The following SIPA1L3 variants were observed in gnomAD, a reference collection of about 807,000 sequenced individuals.
The protein encoded by SIPA1L3 is signal induced proliferation associated 1 like 3.
A neutral mutation model predicts 150.1 loss-of-function variants in SIPA1L3; 59 were observed. The observed-to-expected ratio is 0.39, with a 90% confidence interval of 0.32 to 0.49. SIPA1L3 has a LOEUF of 0.49. Among genes scored for constraint, SIPA1L3 ranks in the 20% least tolerant of loss-of-function variants. SIPA1L3 has a pLI of 0.86. For synonymous variants in SIPA1L3, 1,070 were observed against 1,077.6 expected (o/e 0.99, Z 0.14); for missense variants, 2,211 against 2,489.5 (o/e 0.89, Z 2.38).
rs755280082 is a variant in SIPA1L3 at position 38,119,727 on chromosome 19, A to G, written c.2713A>G (p.Lys905Glu). ...EFVVLLDLRTKEVVFNCYCGD... is the reference protein window; with the variant it reads ...EFVVLLDLRTEEVVFNCYCGD... The stretch of plus-strand genomic sequence containing the variant: ...TGTGGTGCTCCTGGACTTACGCACC[A>G]AGGAGGTGGTGTTCAACTGCTACTG... Residue 905 changes from lysine to glutamate, a missense_variant, in exon 9 of 22, where the codon AAG becomes GAG. This residue lies in a region of SIPA1L3 where 625 missense variants were observed against 804.2 expected (regional missense o/e 0.78). Coordinates refer to ENST00000222345, the MANE Select transcript of SIPA1L3 (RefSeq NM_015073.3). 1.2e-6 allele frequency: 2 copies of G among 1,614,148 alleles called. No homozygotes were observed. The highest frequency in any genetic ancestry group is 1.7e-6 in the Non-Finnish European group (2 of 1,180,018).
chr19:38,123,196 A>G (rs1295428949), intron 9 of SIPA1L3, among the ~76,000 whole-genome samples: 1 of 152,024 alleles, frequency 6.6e-6, no homozygotes, highest in African/African-American at 2.4e-5. Flanking sequence ...CAGATGAGGA[A>G]ACTGAGGCCC....
chr19:38,072,088 A>G (rs1163545742), intron 2 of SIPA1L3, among the ~76,000 whole-genome samples: 2 of 152,218 alleles, frequency 1.3e-5, no homozygotes, highest in Non-Finnish European at 2.9e-5. Context: ...ATTGCAAGGA[A>G]GGCTGGTGCT....
intron 6 of SIPA1L3, among the ~76,000 whole-genome samples, chr19:38,102,166 C>T (rs566100810): frequency 7.3e-5 from 11 of 151,704 alleles, no homozygotes; most frequent in South Asian, 6.3e-4. Flanking sequence ...CCTGCCTCAG[C>T]GTCCCAAGTA....
intron 7 of SIPA1L3, 40 bp from the exon 8 acceptor site, chr19:38,110,187 C>G: frequency 6.2e-7 from 1 of 1,605,230 alleles, no homozygotes; most frequent in South Asian, 1.1e-5. Context: ...TCAGGCCGAC[C>G]TGTGACAGGT....
intron 13 of SIPA1L3, among the ~76,000 whole-genome samples, chr19:38,161,742 G>GA (rs1972093355): frequency 6.6e-6 from 1 of 151,578 alleles, no homozygotes; most frequent in Admixed American, 6.6e-5. Flanking sequence ...AGACAGTCAA[G>GA]CTCATAGATA....
Position 38,046,691 on chromosome 19 carries a change from G to A in SIPA1L3, c.-311+17535G>A, listed in dbSNP as rs1969067245. ...GGATGCTGCTGGATTTTCCGGGTGT[G>A]GAGGGGCCCAGGTCCCCCGAGCAGC... On this transcript the variant is annotated intron_variant, in intron 2 of 21. Transcript: ENST00000222345. This position sits in a 1 kb window ranked among gnomAD's most constrained non-coding sequence, Gnocchi z 5.6. Among the ~76,000 whole-genome samples, 1 of 152,208 alleles carries A rather than the reference G, an allele frequency of 6.6e-6. No individual in the cohort carries two copies. Among genetic ancestry groups the A allele is most frequent in the Admixed American group, 6.5e-5 (1 of 15,274 alleles).
chr19:38,054,977 C>A (rs950395971), intron 2 of SIPA1L3, among the ~76,000 whole-genome samples: 3 of 152,144 alleles, frequency 2.0e-5, no homozygotes, highest in Non-Finnish European at 2.9e-5. Flanking sequence ...TAGAGAAGCA[C>A]GTTGGAACCA....
intron 8 of SIPA1L3, among the ~76,000 whole-genome samples, chr19:38,110,969 TGTG>T (rs1323714404): frequency 6.6e-6 from 1 of 151,158 alleles, no homozygotes; most frequent in Non-Finnish European, 1.5e-5. Context: ...AGGGCCTACC[TGTG>T]GAGGTAGGCC....
rs957573669 is a variant in SIPA1L3 at position 37,931,962 on chromosome 19, G to A, written c.-379+24604G>A. Among the ~76,000 whole-genome samples, 3 of 152,222 alleles carry A rather than the reference G, an allele frequency of 2.0e-5. No homozygotes were observed. In the East Asian group the frequency reaches 5.8e-4, roughly 29 times the overall value. On this transcript the variant is annotated intron_variant, in intron 1 of 21. Transcript: ENST00000222345. ...GAGGGTTAGGAGAGAGAATTCATAT[G>A]TAGCACTTAGAACAGCGCCTTGTGC... is the stretch of plus-strand genomic sequence containing the variant.
chr19:38,169,808 G>A (rs1402952333), intron 15 of SIPA1L3, among the ~76,000 whole-genome samples: 1 of 152,220 alleles, frequency 6.6e-6, no homozygotes, highest in Non-Finnish European at 1.5e-5. Context: ...ACAGCCCAGA[G>A]GGGTCAGGTC....
intron 1 of SIPA1L3, among the ~76,000 whole-genome samples, chr19:37,916,771 C>A (rs1226544411): frequency 6.6e-6 from 1 of 152,046 alleles, no homozygotes; most frequent in Non-Finnish European, 1.5e-5. Context: ...ACCAGCCTAG[C>A]CAACATGGTG....
chr19:37,909,753 G>A (rs952320464), intron 1 of SIPA1L3, among the ~76,000 whole-genome samples: 17 of 152,078 alleles, frequency 1.1e-4, no homozygotes, highest in Admixed American at 7.9e-4. Context: ...GTGTGGGAGG[G>A]TGGCCATCCT....
At chr19:37,943,595 A>G (rs1354373751) in intron 1 of SIPA1L3, among the ~76,000 whole-genome samples, 2 of 152,168 alleles carry the variant, frequency 1.3e-5, no homozygotes, top group African/African-American at 2.4e-5. Flanking sequence ...GGCCCAGATA[A>G]GGTGTGCATC....
At chr19:37,973,257 GATAGAGT>G (rs1397570630) in intron 1 of SIPA1L3, among the ~76,000 whole-genome samples, 1 of 132,372 alleles carries the variant, frequency 7.6e-6, no homozygotes, top group Non-Finnish European at 1.6e-5. Context: ...TTTTTTTTGA[GATAGAGT>G]ATTGCTCTGT....
chr19:37,957,390 C>G (rs57064365), intron 1 of SIPA1L3, among the ~76,000 whole-genome samples: 43 of 152,246 alleles, frequency 2.8e-4, no homozygotes, highest in African/African-American at 1.0e-3. Context: ...AATGTTTAGT[C>G]TTCCAGTTTG....
chr19:38,073,895 G>A (rs1157702777), intron 2 of SIPA1L3, among the ~76,000 whole-genome samples: 1 of 152,208 alleles, frequency 6.6e-6, no homozygotes, highest in African/African-American at 2.4e-5. Context: ...TTCTGTGGGG[G>A]GAAAGGGGAA....
chr19:38,124,938 C>T lies in SIPA1L3; in HGVS notation c.2868+5056C>T, dbSNP rs1433266074. Among the ~76,000 whole-genome samples the T allele has an allele frequency of 2.1e-5, 3 of 143,500 alleles. No individual in the cohort carries two copies. In the Admixed American group the frequency reaches 2.1e-4, roughly 10 times the overall value. 94.1% of individuals were successfully genotyped at this position (143,500 alleles called of 152,430 possible). A position where few individuals can be genotyped will look rare whatever the true frequency, so the allele number is the denominator to read the frequency against. ...AATCAGGCAGGGAGGTTGCAGTGAGCCGAGATGGCAGCAGTACAGTCCAGC... is the reference window on the plus strand; with the variant it reads ...AATCAGGCAGGGAGGTTGCAGTGAGTCGAGATGGCAGCAGTACAGTCCAGC... On this transcript the variant is annotated intron_variant, in intron 9 of 21. Coordinates refer to ENST00000222345, the MANE Select transcript of SIPA1L3 (RefSeq NM_015073.3).
chr19:38,124,064 C>G (rs892723995), intron 9 of SIPA1L3, among the ~76,000 whole-genome samples: 2 of 151,354 alleles, frequency 1.3e-5, no homozygotes, highest in Admixed American at 1.3e-4. Flanking sequence ...AGAGGCGCCC[C>G]TCACCTCCCG....
intron 2 of SIPA1L3, among the ~76,000 whole-genome samples, chr19:38,044,103 T>G (rs1968994955): frequency 1.3e-5 from 2 of 152,156 alleles, no homozygotes; most frequent in South Asian, 4.2e-4. Flanking sequence ...GAGAGGGGGC[T>G]AGGATGACCC....
Sources: gnomAD v4.1 joint callset for allele counts (sites outside exome capture counted in the v4.1 genomes callset) on GRCh38, gnomAD v4.1.1 for gene constraint, gnomAD v4.1.1 regional missense constraint, Gnocchi (gnomAD v3.1) non-coding constraint, MANE v1.5 for transcripts, NCBI Gene and HGNC (gene_info 2026-07-23, HGNC 2026-07-21) for gene names.